The following SHANK1 variants were observed in gnomAD, a reference collection of about 807,000 sequenced individuals.
SHANK1 encodes SH3 and multiple ankyrin repeat domains protein 1.
In SHANK1, 35 loss-of-function variants were observed where a neutral mutation model predicts 165.6. The ratio of observed to expected loss-of-function variants is 0.21; its 90% CI spans 0.16 to 0.28. The LOEUF is 0.28. SHANK1 is among the 10% of genes least tolerant of loss of function. SHANK1 has a pLI of 1.00. For missense variants in SHANK1, 2,681 were observed against 3,036.4 expected (o/e 0.88, Z 2.75); for synonymous variants, 1,428 against 1,384.8 (o/e 1.03, Z -0.69).
At position 50,688,878 on chromosome 19, in the gene SHANK1, C is replaced by T. The variant is rs916432706; in HGVS notation, c.2138G>A (p.Arg713Gln). ...ESVDEGGVAW[R>Q]AGLRMGDFLI... ...GAAGTCTCCCATTCGCAGTCCAGCT[C>T]GCCATGCCACGCCACCCTCGTCCAC... The change falls in exon 17 of 24, where the codon CGA becomes CAA. Residue 713 changes from arginine (R) to glutamine (Q), a missense_variant. Around this residue, in one of 10 missense-constraint regions of SHANK1, gnomAD observed 147 missense variants for 256.5 expected, o/e 0.57. Transcript: ENST00000293441. This position sits in a 1 kb window ranked among gnomAD's most constrained non-coding sequence, Gnocchi z 6.7. 6.9e-6 allele frequency: 11 copies of T among 1,593,548 alleles called. No individual in the cohort carries two copies. Among genetic ancestry groups the T allele is most frequent in the African/African-American group, 2.7e-5 (2 of 74,422 alleles).
Position 50,662,270 on chromosome 19 carries a change from T to A in SHANK1, c.6181A>T (p.Ile2061Leu). 1 of 1,611,470 alleles carries A rather than the reference T, an allele frequency of 6.2e-7. No individual in the cohort carries two copies. Among genetic ancestry groups the A allele is most frequent in the African/African-American group, 1.3e-5 (1 of 74,944 alleles). Residue 2061 changes from isoleucine (I) to leucine (L), a missense_variant, in exon 24 of 24, where the codon ATA becomes TTA. Coordinates refer to ENST00000293441, the MANE Select transcript of SHANK1 (RefSeq NM_016148.5). The surrounding 1 kb of genome is among the most constrained non-coding windows in gnomAD (Gnocchi z 7.7). ...APVFVPPHPG[I>L]SGGLGGALSG... is the part of the protein sequence containing the mutation. ...AAGGCTCCCCCGAGCCCCCCGGATA[T>A]CCCCGGGTGTGGCGGCACAAAGACT...
rs931508877 is a variant in SHANK1 at position 50,697,262 on chromosome 19, G to A, written c.1938-140C>T. 5 of 1,286,110 alleles carry A rather than the reference G, an allele frequency of 3.9e-6. No homozygotes were observed. In the Admixed American group the frequency reaches 5.2e-5, roughly 13 times the overall value. The allele number at this position is 1,286,110 out of a possible 1,614,324, so 79.7% of individuals were successfully genotyped here. A position where few individuals can be genotyped will look rare whatever the true frequency, so the allele number is the denominator to read the frequency against. Reference sequence around the variant, plus strand: ...ACACACATTCCCACTGCACATGACTGCACAGAGATGGGGCACATGAAGGAG... The same window carrying A: ...ACACACATTCCCACTGCACATGACTACACAGAGATGGGGCACATGAAGGAG... On this transcript the variant is annotated intron_variant, in intron 14 of 23. Coordinates refer to ENST00000293441, the MANE Select transcript of SHANK1 (RefSeq NM_016148.5). The surrounding 1 kb of genome is among the most constrained non-coding windows in gnomAD (Gnocchi z 4.7).
chr19:50,668,579 CG>C lies in SHANK1; in HGVS notation c.3380del (p.Pro1127ArgfsTer216). On this transcript the variant is annotated frameshift_variant, in exon 23 of 24. Coordinates refer to ENST00000293441, the MANE Select transcript of SHANK1 (RefSeq NM_016148.5). LOFTEE classifies it high-confidence loss of function. ...EGEPQKGGGL[P>X]PAPSPTSPAS... is the part of the protein sequence containing the mutation. Reference sequence around the variant, plus strand: ...CCGGGGACGTGGGCGACGGCGCGGGCGGGAGGCCGCCGCCCTTCTGGGGCTC... The same window carrying C: ...CCGGGGACGTGGGCGACGGCGCGGGCGGAGGCCGCCGCCCTTCTGGGGCTC... 7.5e-7 allele frequency: 1 copy of C among 1,341,016 alleles called. No individual in the cohort carries two copies. 83.1% of individuals were successfully genotyped at this position (1,341,016 alleles called of 1,614,324 possible). A position where few individuals can be genotyped will look rare whatever the true frequency, so the allele number is the denominator to read the frequency against.
intron 5 of SHANK1, 86 bp from the exon 6 acceptor site, chr19:50,714,035 C>A: frequency 1.3e-6 from 2 of 1,566,632 alleles, no homozygotes; most frequent in East Asian, 4.6e-5. Flanking sequence ...AGCTCTCCAC[C>A]CCACAGCCTC....
At position 50,703,755 on chromosome 19, in the gene SHANK1, G is replaced by A. The variant is rs1323314449; in HGVS notation, c.1298C>T (p.Ala433Val). The A allele has an allele frequency of 9.1e-6, 13 of 1,433,182 alleles. No homozygotes were observed. Among genetic ancestry groups the A allele is most frequent in the African/African-American group, 1.4e-5 (1 of 69,174 alleles). 88.8% of individuals were successfully genotyped at this position (1,433,182 alleles called of 1,614,324 possible). The change falls in exon 11 of 24, where the codon GCG becomes GTG. Residue 433 changes from alanine (A) to valine (V), a missense_variant. By Grantham distance (64) the Ala-to-Val change is moderately conservative. Coordinates refer to ENST00000293441, the MANE Select transcript of SHANK1 (RefSeq NM_016148.5). ...PPGTGLTVPP[A>V]LLRANSDTSM... ...GGTGTCACTGTTGGCCCGCAGCAGCGCCGGGGGCACCGTCAGCCCTGTGCC... is the reference window on the plus strand; with the variant it reads ...GGTGTCACTGTTGGCCCGCAGCAGCACCGGGGGCACCGTCAGCCCTGTGCC...
At chr19:50,704,077 C>T in intron 10 of SHANK1, 43 bp downstream of exon 10, 1 of 1,602,174 alleles carries the variant, frequency 6.2e-7, no homozygotes, top group Non-Finnish European at 8.5e-7. Context: ...GAAACCTCAA[C>T]CGCCCCAGGT....
In SHANK1 at chr19:50,688,666, C is replaced by T. The variant is rs1986438978; in HGVS notation, c.2172+178G>A. On this transcript the variant is annotated intron_variant, in intron 17 of 23. Coordinates refer to ENST00000293441, the MANE Select transcript of SHANK1 (RefSeq NM_016148.5). This position sits in a 1 kb window ranked among gnomAD's most constrained non-coding sequence, Gnocchi z 6.7. ...TCTGTGTCACTCTTTTGAGATGCCTCAGAGGCCTTTAGATGGAATCGCTGG... is the reference window on the plus strand; with the variant it reads ...TCTGTGTCACTCTTTTGAGATGCCTTAGAGGCCTTTAGATGGAATCGCTGG... 6.6e-6 allele frequency among the ~76,000 whole-genome samples: 1 copy of T among 152,096 alleles called. No homozygotes were observed. Among genetic ancestry groups the T allele is most frequent in the South Asian group, 2.1e-4 (1 of 4,826 alleles).
intron 8 of SHANK1, among the ~76,000 whole-genome samples, chr19:50,708,423 T>TA (rs201227162): frequency 0.013 from 2,037 of 152,188 alleles, 23 homozygotes; most frequent in Non-Finnish European, 0.02. Flanking sequence ...TCCTAGCACT[T>TA]ATCTCATGTC....
chr19:50,716,191 C>T lies in SHANK1; in HGVS notation c.459+84G>A, dbSNP rs368596932. On this transcript the variant is annotated intron_variant, in intron 3 of 23. Transcript: ENST00000293441. This position sits in a 1 kb window ranked among gnomAD's most constrained non-coding sequence, Gnocchi z 8.4. ...ACTGGGTGCCCCCTCGTTAAGGTTTCGAGTGTGTTAAAAAGTGGGTGGGGG... is the reference window on the plus strand; with the variant it reads ...ACTGGGTGCCCCCTCGTTAAGGTTTTGAGTGTGTTAAAAAGTGGGTGGGGG... 7 of 1,321,286 alleles carry T rather than the reference C, an allele frequency of 5.3e-6. No homozygotes were observed. Among genetic ancestry groups the T allele is most frequent in the East Asian group, 2.3e-5 (1 of 43,310 alleles). The allele number at this position is 1,321,286 out of a possible 1,614,324, so 81.8% of individuals were successfully genotyped here. A position where few individuals can be genotyped will look rare whatever the true frequency, so the allele number is the denominator to read the frequency against.
chr19:50,661,723 C>G lies in SHANK1; in HGVS notation c.*242G>C. 2.0e-6 allele frequency: 1 copy of G among 504,750 alleles called. No individual in the cohort carries two copies. The highest frequency in any genetic ancestry group is 3.4e-6 in the Non-Finnish European group (1 of 291,390). 31.3% of individuals were successfully genotyped at this position (504,750 alleles called of 1,614,324 possible). ...TCCCCTCTGTAATTTCTCCTATCCC[C>G]CCTCCGCTCCCCGCTTCACACACAC... On this transcript the variant is annotated 3_prime_UTR_variant, in exon 24 of 24. Transcript: ENST00000293441.
chr19:50,671,509 C>T (rs1359963260), intron 22 of SHANK1, among the ~76,000 whole-genome samples: 2 of 150,514 alleles, frequency 1.3e-5, no homozygotes, highest in Admixed American at 6.7e-5. Context: ...TTCCATAGCA[C>T]GTACAACTGC....
At chr19:50,711,257 T>G in intron 8 of SHANK1, 114 bp downstream of exon 8, 1 of 637,516 alleles carries the variant, frequency 1.6e-6, no homozygotes, top group South Asian at 1.9e-5. Flanking sequence ...AGGGTGGAAA[T>G]AGTGAAGAAG....
rs969254251 is a variant in SHANK1 at position 50,713,936 on chromosome 19, T to G, written c.654A>C (p.Thr218=). Reference sequence around the variant, plus strand: ...CAGAGCCTTCGGTCTGGGCCGCCAGTGTCAAGGGGGTCTCTGAAGGGCGGG... The same window carrying G: ...CAGAGCCTTCGGTCTGGGCCGCCAGGGTCAAGGGGGTCTCTGAAGGGCGGG... ...HDSDSGETPL[T]LAAQTEGSVE... The change falls in exon 6 of 24, where the codon ACA becomes ACC. Residue 218 remains threonine (T), a synonymous_variant. Coordinates refer to ENST00000293441, the MANE Select transcript of SHANK1 (RefSeq NM_016148.5). The surrounding 1 kb of genome is among the most constrained non-coding windows in gnomAD (Gnocchi z 6.2). 1 of 1,613,776 alleles carries G rather than the reference T, an allele frequency of 6.2e-7. No individual in the cohort carries two copies. The highest frequency in any genetic ancestry group is 8.5e-7 in the Non-Finnish European group (1 of 1,179,872).
rs1033926290 is a variant in SHANK1, at chr19:50,702,097, C to A, written c.1747+370G>T. ...AAGGACTGTGGGCTTGGACTGAGGA[C>A]CTTGGGCAAGTGGCTTCACCTGTGT... On this transcript the variant is annotated intron_variant, in intron 12 of 23. Coordinates refer to ENST00000293441, the MANE Select transcript of SHANK1 (RefSeq NM_016148.5). The surrounding 1 kb of genome is among the most constrained non-coding windows in gnomAD (Gnocchi z 5.3). 6.6e-6 allele frequency among the ~76,000 whole-genome samples: 1 copy of A among 152,134 alleles called. No homozygotes were observed. Among genetic ancestry groups the A allele is most frequent in the African/African-American group, 2.4e-5 (1 of 41,416 alleles).
rs1352469464 is a variant in SHANK1, at chr19:50,666,624, G to A, written c.5336C>T (p.Pro1779Leu). 1 of 1,599,014 alleles carries A rather than the reference G, an allele frequency of 6.3e-7. No individual in the cohort carries two copies. Among genetic ancestry groups the A allele is most frequent in the Non-Finnish European group, 8.5e-7 (1 of 1,175,708 alleles). ...RPGPSGGLRD[P>L]VTPTSPTVSV... ...GACGGTGGGGCTGGTGGGGGTAACA[G>A]GGTCTCGGAGTCCCCCGCTGGGGCC... Residue 1779 changes from proline to leucine, a missense_variant, in exon 23 of 24, where the codon CCT becomes CTT. By Grantham distance (98) the Pro-to-Leu change is moderately conservative. Coordinates refer to ENST00000293441, the MANE Select transcript of SHANK1 (RefSeq NM_016148.5).
chr19:50,710,647 G>GT (rs1016199380), intron 8 of SHANK1, among the ~76,000 whole-genome samples: 12 of 152,278 alleles, frequency 7.9e-5, no homozygotes. Context: ...AAGTGGGGGT[G>GT]TTCTTCCCAT....
intron 15 of SHANK1, among the ~76,000 whole-genome samples, chr19:50,694,303 G>A (rs140983199): frequency 1.0e-3 from 155 of 151,912 alleles, no homozygotes; most frequent in Admixed American, 3.3e-3. Flanking sequence ...AAGAGGAGGG[G>A]AGGGGAAGCC....
intron 15 of SHANK1, among the ~76,000 whole-genome samples, chr19:50,689,574 G>A (rs1986478656): frequency 6.6e-6 from 1 of 152,032 alleles, no homozygotes; most frequent in Non-Finnish European, 1.5e-5. Context: ...GGGGAGAAGA[G>A]CTTCCAGATT....
chr19:50,716,500 G>C lies in SHANK1; in HGVS notation c.256-22C>G. ...ATTTCTGGTTGGGGAAGAGATAGGG[G>C]CTAGGGTGGGCCAGGGGCCAGAGGA... On this transcript the variant is annotated intron_variant, in intron 2 of 23. Transcript: ENST00000293441. The surrounding 1 kb of genome is among the most constrained non-coding windows in gnomAD (Gnocchi z 8.4). 6.2e-7 allele frequency: 1 copy of C among 1,612,838 alleles called. No individual in the cohort carries two copies. The highest frequency in any genetic ancestry group is 8.5e-7 in the Non-Finnish European group (1 of 1,179,226).
Sources: gnomAD v4.1 joint callset for allele counts (sites outside exome capture counted in the v4.1 genomes callset) on GRCh38, gnomAD v4.1.1 for gene constraint, gnomAD v4.1.1 regional missense constraint, Gnocchi (gnomAD v3.1) non-coding constraint, MANE v1.5 for transcripts, NCBI Gene and HGNC (gene_info 2026-07-23, HGNC 2026-07-21) for gene names.